The following GNAS variants were observed in gnomAD, a reference collection of about 807,000 sequenced individuals.
GNAS encodes the protein GNAS complex locus.
A neutral mutation model predicts 54.5 loss-of-function variants in GNAS; 8 were observed. That is an observed-to-expected ratio of 0.15 (90% CI 0.09 to 0.26). The LOEUF (loss-of-function observed/expected upper bound fraction) is 0.26. GNAS is among the 10% of genes least tolerant of loss of function. The pLI, the probability that GNAS is intolerant of heterozygous loss-of-function variation, is 1.00. For missense variants in GNAS, 170 were observed against 529.8 expected (o/e 0.32, Z 6.67); for synonymous variants, 204 against 191.4 (o/e 1.07, Z -0.54).
chr20:58,878,564 G>C (rs1249170173), intron 1 of GNAS, among the ~76,000 whole-genome samples: 1 of 152,126 alleles, frequency 6.6e-6, no homozygotes, highest in East Asian at 1.9e-4. Flanking sequence ...AGTACTGCAG[G>C]GATAGAGATC....
At chr20:58,872,835 G>A (rs549287523) in intron 1 of GNAS, among the ~76,000 whole-genome samples, 60 of 152,258 alleles carry the variant, frequency 3.9e-4, no homozygotes, top group African/African-American at 1.3e-3. Flanking sequence ...AAAATATTCC[G>A]TCAGCTGCCT....
intron 1 of GNAS, among the ~76,000 whole-genome samples, chr20:58,846,817 T>A (rs905275586): frequency 6.6e-6 from 1 of 152,222 alleles, no homozygotes; most frequent in Non-Finnish European, 1.5e-5. Context: ...CCTTAAACAA[T>A]GATGCCCAGA....
intron 5 of GNAS, among the ~76,000 whole-genome samples, chr20:58,904,306 T>C (rs564297443): frequency 5.3e-5 from 8 of 150,708 alleles, no homozygotes; most frequent in Admixed American, 5.2e-4. Flanking sequence ...GTGACCTTTT[T>C]ATTAAGAGTT....
At chr20:58,900,587 G>C (rs2090518703) in intron 3 of GNAS, among the ~76,000 whole-genome samples, 2 of 152,252 alleles carry the variant, frequency 1.3e-5, no homozygotes, top group East Asian at 1.9e-4. Flanking sequence ...TACATAGAAG[G>C]GGGAGGAGGA....
At chr20:58,895,336 C>G (rs1362867289) in intron 1 of GNAS, 5 of 452,210 alleles carry the variant, frequency 1.1e-5, no homozygotes, top group Non-Finnish European at 2.1e-5. Flanking sequence ...AACACCACCC[C>G]ACAATTTTTT....
chr20:58,879,414 G>A (rs1027718583), intron 1 of GNAS, among the ~76,000 whole-genome samples: 1 of 152,214 alleles, frequency 6.6e-6, no homozygotes, highest in Non-Finnish European at 1.5e-5. Flanking sequence ...TTCATTGCCT[G>A]CAGATGTCCT....
intron 1 of GNAS, among the ~76,000 whole-genome samples, chr20:58,881,139 G>C (rs1231992350): frequency 6.6e-6 from 1 of 152,164 alleles, no homozygotes; most frequent in Non-Finnish European, 1.5e-5. Flanking sequence ...GAAAACTAAG[G>C]AACTTTTCAG....
intron 1 of GNAS, chr20:58,855,386 G>A: frequency 2.7e-6 from 4 of 1,499,726 alleles, no homozygotes; most frequent in Non-Finnish European, 3.6e-6. Flanking sequence ...GAACCGGGGA[G>A]GGGGTGGCAG....
rs1212738897 is a variant in GNAS, at chr20:58,891,560, CCCCGCGG to C, written c.-154_-148del. On this transcript the variant is annotated 5_prime_UTR_variant, in exon 1 of 13. Coordinates refer to ENST00000371085, the MANE Select transcript of GNAS (RefSeq NM_000516.7). ...CCTCCCCTTCCCGCCCGTCCGCGCG[CCCCGCGG>C]CCCGCGGCCCGCAGTCCGCCCCGCG... The C allele has an allele frequency of 6.6e-4, 643 of 973,638 alleles. No individual in the cohort carries two copies. Among genetic ancestry groups the C allele is most frequent in the Middle Eastern group, 2.1e-3 (4 of 1,896 alleles). 60.3% of individuals were successfully genotyped at this position (973,638 alleles called of 1,614,324 possible). A position where few individuals can be genotyped will look rare whatever the true frequency, so the allele number is the denominator to read the frequency against.
intron 3 of GNAS, chr20:58,903,115 G>A (rs565397816): frequency 1.4e-5 from 5 of 346,312 alleles, no homozygotes; most frequent in Admixed American, 1.2e-4. Flanking sequence ...TTAATTCCAA[G>A]TCAAACCATG....
upstream of GNAS, chr20:58,888,286 G>A (rs2088739969): frequency 6.6e-6 from 1 of 151,974 alleles, no homozygotes; most frequent in Admixed American, 6.6e-5. Context: ...GGCTCACCTG[G>A]GCACATGGTG....
Position 58,863,688 on chromosome 20 carries a change from C to A in GNAS, c.43+22802C>A, listed in dbSNP as rs2086890648. ...ATCGATTCTTACAAGGAAATTAAGA[C>A]TTGGGCTGCAAGAGCCTCGCCTCTC... On this transcript the variant is annotated intron_variant, in intron 1 of 12. Transcript: ENST00000306090. This position sits in a 1 kb window ranked among gnomAD's most constrained non-coding sequence, Gnocchi z 4.1. The A allele has an allele frequency of 6.6e-6, 1 of 152,494 alleles. No individual in the cohort carries two copies. Among genetic ancestry groups the A allele is most frequent in the Non-Finnish European group, 1.5e-5 (1 of 68,044 alleles). The allele number at this position is 152,494 out of a possible 1,614,324, so 9.4% of individuals were successfully genotyped here.
chr20:58,839,915 TAGA>T, upstream of GNAS: 1 of 617,672 alleles, frequency 1.6e-6, no homozygotes, highest in Non-Finnish European at 2.9e-6. Flanking sequence ...CGCGGAGCTT[TAGA>T]AAGTTCTTAA....
upstream of GNAS, chr20:58,889,349 C>A: frequency 1.0e-6 from 1 of 985,500 alleles, no homozygotes; most frequent in South Asian, 4.6e-5. Flanking sequence ...GCACCTCACT[C>A]ACATGTAAGT....
rs1408757062 is a variant in GNAS, at chr20:58,863,983, CA to C, written c.43+23098del. On this transcript the variant is annotated intron_variant, in intron 1 of 12. Coordinates refer to the GNAS transcript ENST00000306090. This position sits in a 1 kb window ranked among gnomAD's most constrained non-coding sequence, Gnocchi z 4.1. ...TCCAGAACCCAAGAAGGGCCATGGACAGGACCCTTCCAAAGGAAAGAGAATC... is the reference window on the plus strand; with the variant it reads ...TCCAGAACCCAAGAAGGGCCATGGACGGACCCTTCCAAAGGAAAGAGAATC... 2 of 152,386 alleles carry C rather than the reference CA, an allele frequency of 1.3e-5. No homozygotes were observed. The highest frequency in any genetic ancestry group is 4.8e-5 in the African/African-American group (2 of 41,516). 9.4% of individuals were successfully genotyped at this position (152,386 alleles called of 1,614,324 possible). A position where few individuals can be genotyped will look rare whatever the true frequency, so the allele number is the denominator to read the frequency against.
In GNAS at chr20:58,856,384, T is replaced by C. The variant is rs2086512443; in HGVS notation, c.43+15498T>C. 6.6e-6 allele frequency: 1 copy of C among 152,550 alleles called. No homozygotes were observed. The highest frequency in any genetic ancestry group is 1.5e-5 in the Non-Finnish European group (1 of 68,016). The allele number at this position is 152,550 out of a possible 1,614,324, so 9.4% of individuals were successfully genotyped here. On this transcript the variant is annotated intron_variant, in intron 1 of 12. Transcript: ENST00000306090. This position sits in a 1 kb window ranked among gnomAD's most constrained non-coding sequence, Gnocchi z 4.2. Reference sequence around the variant, plus strand: ...GGTGGGCGTGGCTGTGTTTAAAAAATATGAAATAATTTTTCTTCCTAGCGA... The same window carrying C: ...GGTGGGCGTGGCTGTGTTTAAAAAACATGAAATAATTTTTCTTCCTAGCGA...
At chr20:58,900,647 G>A (rs2090526247) in intron 3 of GNAS, among the ~76,000 whole-genome samples, 1 of 152,140 alleles carries the variant, frequency 6.6e-6, no homozygotes, top group South Asian at 2.1e-4. Flanking sequence ...ATTTTGTAGC[G>A]AATCAGAATT....
chr20:58,877,775 C>T (rs1045789589), intron 1 of GNAS, among the ~76,000 whole-genome samples: 2 of 152,232 alleles, frequency 1.3e-5, no homozygotes, highest in African/African-American at 4.8e-5. Context: ...TGCCGGTAAT[C>T]CCTGCTCTGA....
intron 1 of GNAS, among the ~76,000 whole-genome samples, chr20:58,866,695 A>G (rs1600780523): frequency 6.6e-6 from 1 of 152,206 alleles, no homozygotes. Flanking sequence ...CATCTCATCA[A>G]GTTTTCAAAT....
Sources: allele counts gnomAD v4.1 joint callset (sites outside exome capture counted in the v4.1 genomes callset), GRCh38; gene constraint gnomAD v4.1.1; non-coding constraint Gnocchi (gnomAD v3.1); transcripts MANE v1.5; gene names NCBI Gene and HGNC (gene_info 2026-07-23, HGNC 2026-07-21).